Variants in CSNK1D observed in about 807,000 individuals in gnomAD.
CSNK1D encodes the protein casein kinase 1 delta, also known as casein kinase I isoform delta.
A neutral mutation model predicts 46.6 loss-of-function variants in CSNK1D; 16 were observed. That is an observed-to-expected ratio of 0.34 (90% CI 0.23 to 0.52). The LOEUF (loss-of-function observed/expected upper bound fraction) is 0.52, where lower values mean the gene tolerates loss of function less well. CSNK1D is among the 20% of genes least tolerant of loss of function. CSNK1D has a pLI of 0.95. For missense variants in CSNK1D, 398 were observed against 578.4 expected, an observed-to-expected ratio of 0.69 and a Z score of 3.20; for synonymous variants, 276 against 228.2, an observed-to-expected ratio of 1.21 and a Z score of -1.89.
chr17:82,244,960 C>A, intron 8 of CSNK1D, 129 bp from the exon 9 acceptor site: 1 of 1,185,818 alleles, frequency 8.4e-7, no homozygotes, highest in East Asian at 2.5e-5. Flanking sequence ...TAGACGCCTG[C>A]GTCCCCCGCC....
At position 82,252,557 on chromosome 17, in the gene CSNK1D, A is replaced by G. The variant is rs1363772181; in HGVS notation, c.613T>C (p.Tyr205His). Residue 205 changes from tyrosine to histidine, a missense_variant, in exon 5 of 9, where the codon TAC becomes CAC. By Grantham distance (83) the Tyr-to-His change is moderately conservative (BLOSUM62 2). Coordinates refer to ENST00000314028, the MANE Select transcript of CSNK1D (RefSeq NM_001893.6). The surrounding 1 kb of genome is among the most constrained non-coding windows in gnomAD (Gnocchi z 4.6). ...DLESLGYVLM[Y>H]FNLGSLPWQG... ...CAGGGGAGAGAGCCCAGGTTGAAGT[A>G]CATTAGCACGTAGCCCAGAGACTCC... is the stretch of plus-strand genomic sequence containing the variant. 6.2e-7 allele frequency: 1 copy of G among 1,614,080 alleles called. No individual in the cohort carries two copies. The highest frequency in any genetic ancestry group is 2.2e-5 in the East Asian group (1 of 44,880).
At chr17:82,265,844 A>C (rs746533918) in intron 1 of CSNK1D, 48 bp from the exon 2 acceptor site, 12 of 1,430,668 alleles carry the variant, frequency 8.4e-6, no homozygotes, top group Admixed American at 1.7e-5. Flanking sequence ...GTATCCACCA[A>C]ATAACCCAAC....
At chr17:82,242,011 T>C (rs2050747265), downstream of CSNK1D, among the ~76,000 whole-genome samples, 1 of 115,888 alleles carries the variant, frequency 8.6e-6, no homozygotes. Flanking sequence ...AGCGTGACCC[T>C]GGCCAAGGGG....
intron 1 of CSNK1D, among the ~76,000 whole-genome samples, chr17:82,267,337 G>T (rs1328839760): frequency 6.6e-6 from 1 of 152,198 alleles, no homozygotes; most frequent in Non-Finnish European, 1.5e-5. Flanking sequence ...AAGGTTCCCT[G>T]ATGAAAAGCA....
intron 1 of CSNK1D, among the ~76,000 whole-genome samples, chr17:82,271,614 AG>A (rs2051626227): frequency 6.6e-6 from 1 of 152,248 alleles, no homozygotes; most frequent in African/African-American, 2.4e-5. Flanking sequence ...CAGTCCACTA[AG>A]GCATATGTAC....
chr17:82,257,962 C>T (rs529876693), intron 2 of CSNK1D, among the ~76,000 whole-genome samples: 6 of 152,152 alleles, frequency 3.9e-5, no homozygotes, highest in South Asian at 2.1e-4. Context: ...AATTCCAGCA[C>T]GTTGGAGGTG....
Position 82,252,080 on chromosome 17 carries a change from C to T in CSNK1D, c.736+354G>A, listed in dbSNP as rs1165935614. ...AATCCTACAAATGCAAAGGAAATCT[C>T]CCGAGCTCCTGGAGGGGGCCAGAGA... is the stretch of plus-strand genomic sequence containing the variant. On this transcript the variant is annotated intron_variant, in intron 5 of 8. Transcript: ENST00000314028. The surrounding 1 kb of genome is among the most constrained non-coding windows in gnomAD (Gnocchi z 4.6). Among the ~76,000 whole-genome samples the T allele has an allele frequency of 1.3e-5, 2 of 152,192 alleles. No homozygotes were observed. Among genetic ancestry groups the T allele is most frequent in the Non-Finnish European group, 2.9e-5 (2 of 68,030 alleles).
chr17:82,243,139 G>A lies in CSNK1D; in HGVS notation c.*1642C>T. 2.0e-6 allele frequency: 2 copies of A among 985,590 alleles called. No homozygotes were observed. The highest frequency in any genetic ancestry group is 2.4e-6 in the Non-Finnish European group (2 of 830,028). The allele number at this position is 985,590 out of a possible 1,614,324, so 61.1% of individuals were successfully genotyped here. On this transcript the variant is annotated 3_prime_UTR_variant, in exon 9 of 9. Coordinates refer to ENST00000314028, the MANE Select transcript of CSNK1D (RefSeq NM_001893.6). ...CTCCAAAACGCTTACACAGTAACCAGCCTAGGATTGAGAAAGCATCCATGG... is the reference window on the plus strand; with the variant it reads ...CTCCAAAACGCTTACACAGTAACCAACCTAGGATTGAGAAAGCATCCATGG...
At chr17:82,246,127 G>T (rs1281606595) in intron 8 of CSNK1D, 24 of 1,549,450 alleles carry the variant, frequency 1.5e-5, no homozygotes, top group Non-Finnish European at 1.2e-5. Flanking sequence ...GGGCATCCTT[G>T]CCTCAACCAG....
At position 82,250,371 on chromosome 17, in the gene CSNK1D, C is replaced by A; in HGVS notation, c.886-769G>T. 2.4e-6 allele frequency: 1 copy of A among 412,060 alleles called. No individual in the cohort carries two copies. Among genetic ancestry groups the A allele is most frequent in the Admixed American group, 3.2e-5 (1 of 31,668 alleles). The allele number at this position is 412,060 out of a possible 1,614,324, so 25.5% of individuals were successfully genotyped here. A position where few individuals can be genotyped will look rare whatever the true frequency, so the allele number is the denominator to read the frequency against. ...TGCGGCCAGCACCGCCCAGACTCCT[C>A]ATGCTGCCATTTACGGAAAACGCTG... On this transcript the variant is annotated intron_variant, in intron 6 of 8. Coordinates refer to ENST00000314028, the MANE Select transcript of CSNK1D (RefSeq NM_001893.6). The surrounding 1 kb of genome is among the most constrained non-coding windows in gnomAD (Gnocchi z 4.6).
chr17:82,271,032 T>C (rs776524307), intron 1 of CSNK1D, among the ~76,000 whole-genome samples: 7 of 152,256 alleles, frequency 4.6e-5, no homozygotes, highest in Non-Finnish European at 8.8e-5. Context: ...ACAAAGTTGT[T>C]TGACAAGGTC....
chr17:82,252,612 G>T lies in CSNK1D; in HGVS notation c.566-8C>A. ...CATCTCTTCGGGATTGTTCTGAAAA[G>T]AAAAGGGAAAGGCGTGAAGAACGGC... On this transcript the variant is annotated splice_polypyrimidine_tract_variant and splice_region_variant and intron_variant, in intron 4 of 8. Coordinates refer to ENST00000314028, the MANE Select transcript of CSNK1D (RefSeq NM_001893.6). This position sits in a 1 kb window ranked among gnomAD's most constrained non-coding sequence, Gnocchi z 4.6. The T allele has an allele frequency of 6.2e-7, 1 of 1,613,210 alleles. No individual in the cohort carries two copies. Among genetic ancestry groups the T allele is most frequent in the Non-Finnish European group, 8.5e-7 (1 of 1,179,906 alleles).
intron 8 of CSNK1D, chr17:82,245,870 G>T: frequency 8.6e-7 from 1 of 1,158,708 alleles, no homozygotes; most frequent in Non-Finnish European, 1.3e-6. Flanking sequence ...TCTACCTCCA[G>T]CACCTGGCAT....
intron 2 of CSNK1D, among the ~76,000 whole-genome samples, chr17:82,260,351 T>C (rs771130168): frequency 1.7e-4 from 23 of 135,922 alleles, no homozygotes; most frequent in Admixed American, 1.5e-3. Flanking sequence ...CTGACTGATG[T>C]GACTGATGGT....
Position 82,251,362 on chromosome 17 carries a change from C to CT in CSNK1D, c.885+16dup, listed in dbSNP as rs1016344536. On this transcript the variant is annotated intron_variant, in intron 6 of 8. Transcript: ENST00000314028. The surrounding 1 kb of genome is among the most constrained non-coding windows in gnomAD (Gnocchi z 4.5). ...CCGCACACCACACTCAGCGAACGTG[C>CT]TGGCAGTGCGACTTACAAATTTGAG... 76 of 1,613,846 alleles carry CT rather than the reference C, an allele frequency of 4.7e-5. No homozygotes were observed. The highest frequency in any genetic ancestry group is 6.4e-5 in the Non-Finnish European group (75 of 1,179,930).
At chr17:82,263,941 T>G (rs1436460644) in intron 2 of CSNK1D, among the ~76,000 whole-genome samples, 3 of 152,228 alleles carry the variant, frequency 2.0e-5, no homozygotes, top group Non-Finnish European at 2.9e-5. Context: ...GGATTTTTCA[T>G]TCCTGTGGCC....
At chr17:82,239,726 G>A (rs1249512784), downstream of CSNK1D, 5 of 378,970 alleles carry the variant, frequency 1.3e-5, no homozygotes, top group South Asian at 4.4e-4. Flanking sequence ...GATGGGAGCT[G>A]AGGTGGAACA....
At chr17:82,241,228 A>C (rs1389858099), downstream of CSNK1D, among the ~76,000 whole-genome samples, 1 of 152,194 alleles carries the variant, frequency 6.6e-6, no homozygotes, top group Non-Finnish European at 1.5e-5. Context: ...ACAGCCCTGG[A>C]ACAGATGTGT....
downstream of CSNK1D, among the ~76,000 whole-genome samples, chr17:82,241,941 G>A (rs1318057633): frequency 6.6e-6 from 1 of 152,178 alleles, no homozygotes; most frequent in Non-Finnish European, 1.5e-5. Flanking sequence ...CAACCTCCAG[G>A]CAAGTGACCC....
Sources: gnomAD v4.1 joint callset for allele counts (sites outside exome capture counted in the v4.1 genomes callset) on GRCh38, gnomAD v4.1.1 for gene constraint, Gnocchi (gnomAD v3.1) non-coding constraint, MANE v1.5 for transcripts, NCBI Gene and HGNC (gene_info 2026-07-23, HGNC 2026-07-21) for gene names.